DPP6: variants seen among roughly 807,000 people sequenced by gnomAD.
DPP6 encodes the protein A-type potassium channel modulatory protein DPP6.
Under a neutral mutation model 122.6 loss-of-function variants are expected in DPP6, and 69 were observed. That is an observed-to-expected ratio of 0.56 (90% CI 0.46 to 0.69). The LOEUF is 0.69. DPP6 is among the 30% of genes least tolerant of loss of function. DPP6 has a pLI of 0.00. For synonymous variants in DPP6, 418 were observed against 433.1 expected (o/e 0.97, Z 0.43); for missense variants, 928 against 1,116.9 (o/e 0.83, Z 2.41).
chr7:154,432,531 G>T (rs575205535), intron 1 of DPP6, among the ~76,000 whole-genome samples: 1 of 152,144 alleles, frequency 6.6e-6, no homozygotes, highest in Non-Finnish European at 1.5e-5. Context: ...TTTTCGGGGG[G>T]AAACACACAC....
At chr7:154,726,942 T>G (rs1842095486) in intron 7 of DPP6, among the ~76,000 whole-genome samples, 1 of 152,232 alleles carries the variant, frequency 6.6e-6, no homozygotes, top group African/African-American at 2.4e-5. Context: ...TATCAGCATT[T>G]TGGTCACAAC....
At chr7:154,736,673 C>T (rs1157871918) in intron 8 of DPP6, among the ~76,000 whole-genome samples, 3 of 152,164 alleles carry the variant, frequency 2.0e-5, no homozygotes, top group Non-Finnish European at 2.9e-5. Flanking sequence ...GTAATGACAA[C>T]CAATTATTTC....
At chr7:154,792,481 A>G (rs907312235) in intron 10 of DPP6, among the ~76,000 whole-genome samples, 3 of 152,274 alleles carry the variant, frequency 2.0e-5, no homozygotes, top group African/African-American at 7.2e-5. Flanking sequence ...GATTGTAAAT[A>G]ATGACCAAAT....
rs866406193 is a variant in DPP6 at position 154,063,133 on chromosome 7, C to T, written c.243+10070C>T. On this transcript the variant is annotated intron_variant, in intron 1 of 25. Transcript: ENST00000377770. ...CCATCGCAGGGGGGGAGGCACCCCC[C>T]ACGAGAGTGGGGACTGAGAGCTATC... Among the ~76,000 whole-genome samples, 79 of 128,570 alleles carry T rather than the reference C, an allele frequency of 6.1e-4. 1 individual carries two copies. The highest frequency in any genetic ancestry group is 1.5e-3 in the African/African-American group (53 of 35,328). The allele number at this position is 128,570 out of a possible 152,430, so 84.3% of individuals were successfully genotyped here. A position where few individuals can be genotyped will look rare whatever the true frequency, so the allele number is the denominator to read the frequency against.
At chr7:154,271,593 GT>G (rs1803797902) in intron 1 of DPP6, among the ~76,000 whole-genome samples, 1 of 152,168 alleles carries the variant, frequency 6.6e-6, no homozygotes, top group Admixed American at 6.6e-5. Flanking sequence ...AGGCTGTTCT[GT>G]TTGAAAAGAG....
chr7:154,303,569 G>A (rs915259156), intron 1 of DPP6, among the ~76,000 whole-genome samples: 1 of 152,038 alleles, frequency 6.6e-6, no homozygotes, highest in African/African-American at 2.4e-5. Context: ...CAGGAGGCAG[G>A]GTCACAAAGA....
the DPP6 span, among the ~76,000 whole-genome samples, chr7:153,820,508 C>G: frequency 1.3e-5 from 2 of 152,146 alleles, no homozygotes; most frequent in African/African-American, 2.4e-5. Flanking sequence ...TCTGAAGATT[C>G]AAGAATAGTT....
At chr7:154,490,852 C>T (rs1384687198) in intron 3 of DPP6, among the ~76,000 whole-genome samples, 1 of 152,164 alleles carries the variant, frequency 6.6e-6, no homozygotes, top group Non-Finnish European at 1.5e-5. Context: ...ACATAGTTTA[C>T]AGAGTGACAG....
At chr7:154,046,375 G>A (rs1304272226) in intron 1 of DPP6, among the ~76,000 whole-genome samples, 10 of 152,194 alleles carry the variant, frequency 6.6e-5, no homozygotes, top group African/African-American at 9.7e-5. Context: ...TAGGTGTCAG[G>A]GGACAGGTTA....
intron 1 of DPP6, among the ~76,000 whole-genome samples, chr7:154,169,960 G>A: frequency 6.6e-6 from 1 of 152,218 alleles, no homozygotes; most frequent in East Asian, 1.9e-4. Context: ...GTGACCTCAG[G>A]TGATCCACCC....
At chr7:154,694,331 G>A (rs1408660249) in intron 7 of DPP6, among the ~76,000 whole-genome samples, 2 of 152,218 alleles carry the variant, frequency 1.3e-5, no homozygotes, top group Admixed American at 6.5e-5. Flanking sequence ...GACATGGGAG[G>A]CCAGGCTCAG....
intron 1 of DPP6, among the ~76,000 whole-genome samples, chr7:154,151,880 C>T (rs1020760222): frequency 6.6e-6 from 1 of 151,870 alleles, no homozygotes; most frequent in African/African-American, 2.4e-5. Context: ...AGGAGGCAGG[C>T]ATGCTTTTAA....
intron 19 of DPP6, among the ~76,000 whole-genome samples, chr7:154,874,307 TCTC>T (rs1012984242): frequency 3.3e-5 from 5 of 152,128 alleles, no homozygotes; most frequent in African/African-American, 4.8e-5. Context: ...ACAAAACAAT[TCTC>T]CTTCCCTTCA....
At chr7:153,920,341 T>C (rs1012338813) in intron 1 of DPP6, among the ~76,000 whole-genome samples, 5 of 152,222 alleles carry the variant, frequency 3.3e-5, no homozygotes, top group Non-Finnish European at 4.4e-5. Flanking sequence ...ACTGGCTTGC[T>C]ATCCAAAGTG....
the DPP6 span, among the ~76,000 whole-genome samples, chr7:153,820,687 G>A: frequency 2.3e-3 from 357 of 152,004 alleles, no homozygotes; most frequent in South Asian, 7.7e-3. Context: ...AAGAGCAGCC[G>A]AAAAAAGAAA....
intron 3 of DPP6, among the ~76,000 whole-genome samples, chr7:154,531,897 G>A (rs939371750): frequency 3.9e-5 from 6 of 151,916 alleles, no homozygotes; most frequent in Admixed American, 6.6e-5. Flanking sequence ...CACAAAAAAA[G>A]CTAATGCAAA....
At chr7:154,248,962 T>C (rs781224211) in intron 1 of DPP6, among the ~76,000 whole-genome samples, 8 of 152,172 alleles carry the variant, frequency 5.3e-5, no homozygotes, top group Non-Finnish European at 1.2e-4. Context: ...AAAGGGGACA[T>C]GTCTTGGCAT....
At chr7:154,381,233 G>T (rs1813574190) in intron 1 of DPP6, among the ~76,000 whole-genome samples, 1 of 152,174 alleles carries the variant, frequency 6.6e-6, no homozygotes, top group African/African-American at 2.4e-5. Flanking sequence ...GACCCTTGCC[G>T]CTCCATGCCA....
At chr7:154,338,609 G>A (rs958569917) in intron 1 of DPP6, among the ~76,000 whole-genome samples, 1 of 152,218 alleles carries the variant, frequency 6.6e-6, no homozygotes, top group Non-Finnish European at 1.5e-5. Flanking sequence ...ACATCGTTTT[G>A]AAAGAGTGTG....
Sources: allele counts gnomAD v4.1 joint callset (sites outside exome capture counted in the v4.1 genomes callset), GRCh38; gene constraint gnomAD v4.1.1; transcripts MANE v1.5; gene names NCBI Gene and HGNC (gene_info 2026-07-23, HGNC 2026-07-21).